The following SLC51A variants were observed in gnomAD, a reference collection of about 807,000 sequenced individuals.
SLC51A encodes the protein organic solute transporter subunit alpha.
SLC51A carries 22 observed loss-of-function variants against 34.8 expected under a neutral mutation model. The observed-to-expected ratio is 0.63, with a 90% CI of 0.45 to 0.90. The LOEUF is 0.90. Among genes scored for constraint, SLC51A ranks in the 40% least tolerant of loss-of-function variants. The pLI is 0.00. For synonymous variants in SLC51A, 181 were observed against 176.3 expected (o/e 1.03, Z -0.21); for missense variants, 371 against 414.8 (o/e 0.89, Z 0.92).
intron 2 of SLC51A, among the ~76,000 whole-genome samples, chr3:196,218,868 G>A (rs943952067): frequency 6.6e-6 from 1 of 151,986 alleles, no homozygotes; most frequent in African/African-American, 2.4e-5. Flanking sequence ...AAAAACATAG[G>A]TGAACCTGCA....
chr3:196,217,575 G>A, intron 1 of SLC51A, among the ~76,000 whole-genome samples: 1 of 146,076 alleles, frequency 6.8e-6, no homozygotes, highest in African/African-American at 2.5e-5. Context: ...AAGGAAGGAA[G>A]GAAGGAAGGA....
intron 4 of SLC51A, 145 bp downstream of exon 4, chr3:196,227,882 C>A: frequency 1.1e-6 from 1 of 931,728 alleles, no homozygotes; most frequent in Non-Finnish European, 1.6e-6. Flanking sequence ...CCTGGCTCTG[C>A]TCAGGGAATG....
chr3:196,221,139 C>G (rs1723745110), intron 2 of SLC51A, among the ~76,000 whole-genome samples: 2 of 151,416 alleles, frequency 1.3e-5, no homozygotes, highest in South Asian at 4.2e-4. Flanking sequence ...GCTAAGAAAA[C>G]TATTTCAGGC....
chr3:196,228,997 A>C lies in SLC51A; in HGVS notation c.633+77A>C, dbSNP rs1055737608. 1 of 1,239,070 alleles carries C rather than the reference A, an allele frequency of 8.1e-7. No homozygotes were observed. 76.8% of individuals were successfully genotyped at this position (1,239,070 alleles called of 1,614,324 possible). On this transcript the variant is annotated intron_variant, in intron 6 of 8. Coordinates refer to ENST00000296327, the MANE Select transcript of SLC51A (RefSeq NM_152672.6). The surrounding 1 kb of genome is among the most constrained non-coding windows in gnomAD (Gnocchi z 4.9). ...TGTTCTAAAAGGAATCACCAGAGCCAACACCCCTTGACAGAGGGCCCCAGA... is the reference window on the plus strand; with the variant it reads ...TGTTCTAAAAGGAATCACCAGAGCCCACACCCCTTGACAGAGGGCCCCAGA...
Position 196,232,998 on chromosome 3 carries a change from C to G in SLC51A, c.887-65C>G, listed in dbSNP as rs142759481. On this transcript the variant is annotated intron_variant, in intron 8 of 8. Coordinates refer to ENST00000296327, the MANE Select transcript of SLC51A (RefSeq NM_152672.6). ...GTGTTGCTCAACTCCCGTGCCCGGG[C>G]TGCTAGTAAAATACCACCTCTGTAA... is the stretch of plus-strand genomic sequence containing the variant. The G allele has an allele frequency of 1.8e-4, 274 of 1,530,208 alleles. 1 individual carries two copies. In the African/African-American group the frequency reaches 3.4e-3, roughly 19 times the overall value. 94.8% of individuals were successfully genotyped at this position (1,530,208 alleles called of 1,614,324 possible).
chr3:196,227,636 C>G (rs1352309189), intron 3 of SLC51A, 28 bp from the exon 4 acceptor site: 1 of 1,610,160 alleles, frequency 6.2e-7, no homozygotes, highest in Non-Finnish European at 8.5e-7. Context: ...CCCTCCCGCC[C>G]TCACCTGCTC....
chr3:196,226,686 A>G, intron 2 of SLC51A: 1 of 218,826 alleles, frequency 4.6e-6, no homozygotes, highest in Admixed American at 5.6e-5. Context: ...AGGCAGGAGA[A>G]TCACTTAAAC....
chr3:196,227,640 C>T (rs747122474), intron 3 of SLC51A, 24 bp from the exon 4 acceptor site: 1 of 1,612,494 alleles, frequency 6.2e-7, no homozygotes, highest in Non-Finnish European at 8.5e-7. Context: ...CCCGCCCTCA[C>T]CTGCTCCTGC....
intron 2 of SLC51A, among the ~76,000 whole-genome samples, chr3:196,219,505 T>C (rs1268067862): frequency 6.6e-6 from 1 of 152,216 alleles, no homozygotes; most frequent in East Asian, 1.9e-4. Context: ...GGCGTGTCCT[T>C]GGGCTGTGTA....
rs1206567622 is a variant in SLC51A, at chr3:196,229,047, G to A, written c.633+127G>A. On this transcript the variant is annotated intron_variant, in intron 6 of 8. Transcript: ENST00000296327. ...AAAAGGGTGGCTGTGGGAAAACAGA[G>A]GCTCAGGGACTGCCAGGGAGAGAAC... The A allele has an allele frequency of 6.4e-6, 5 of 779,768 alleles. No homozygotes were observed. The Admixed American group carries it at 1.2e-4, about 18-fold the overall frequency. 48.3% of individuals were successfully genotyped at this position (779,768 alleles called of 1,614,324 possible). A position where few individuals can be genotyped will look rare whatever the true frequency, so the allele number is the denominator to read the frequency against.
chr3:196,228,217 C>T lies in SLC51A; in HGVS notation c.465C>T (p.Val155=), dbSNP rs1723945109. The T allele has an allele frequency of 6.2e-7, 1 of 1,613,910 alleles. No individual in the cohort carries two copies. The change falls in exon 5 of 9, where the codon GTC becomes GTT. Residue 155 remains valine (V), a synonymous_variant. Coordinates refer to ENST00000296327, the MANE Select transcript of SLC51A (RefSeq NM_152672.6). This position sits in a 1 kb window ranked among gnomAD's most constrained non-coding sequence, Gnocchi z 4.9. ...LRTLRDTPMM[V]HTGPCCCCCP... Reference sequence around the variant, plus strand: ...CGCTGAGGGACACCCCGATGATGGTCCACACAGGCCCCTGCTGCTGCTGCT... The same window carrying T: ...CGCTGAGGGACACCCCGATGATGGTTCACACAGGCCCCTGCTGCTGCTGCT...
intron 7 of SLC51A, among the ~76,000 whole-genome samples, chr3:196,231,987 G>C (rs1466237415): frequency 6.6e-6 from 1 of 152,128 alleles, no homozygotes; most frequent in Admixed American, 6.5e-5. Flanking sequence ...CCCTCTCCCT[G>C]CAGTCTCTGG....
At chr3:196,231,700 G>C (rs933915988) in intron 7 of SLC51A, among the ~76,000 whole-genome samples, 1 of 152,152 alleles carries the variant, frequency 6.6e-6, no homozygotes, top group African/African-American at 2.4e-5. Flanking sequence ...TGGTTAATGT[G>C]GGGGAGCCTG....
chr3:196,227,142 G>GA, intron 3 of SLC51A, 23 bp downstream of exon 3: 1 of 1,609,206 alleles, frequency 6.2e-7, no homozygotes. Flanking sequence ...GGGCTGCCCT[G>GA]TGGGGGGAAC....
At chr3:196,218,806 C>T (rs2108752347) in intron 2 of SLC51A, among the ~76,000 whole-genome samples, 1 of 151,922 alleles carries the variant, frequency 6.6e-6, no homozygotes, top group Middle Eastern at 3.4e-3. Context: ...TGTTTTGCAG[C>T]TTCCCTTTTG....
Position 196,228,695 on chromosome 3 carries a change from T to C in SLC51A, c.522-114T>C, listed in dbSNP as rs1237770782. 6 of 826,312 alleles carry C rather than the reference T, an allele frequency of 7.3e-6. No individual in the cohort carries two copies. Among genetic ancestry groups the C allele is most frequent in the Non-Finnish European group, 1.2e-5 (6 of 480,674 alleles). The allele number at this position is 826,312 out of a possible 1,614,324, so 51.2% of individuals were successfully genotyped here. A position where few individuals can be genotyped will look rare whatever the true frequency, so the allele number is the denominator to read the frequency against. On this transcript the variant is annotated intron_variant, in intron 5 of 8. Transcript: ENST00000296327. This position sits in a 1 kb window ranked among gnomAD's most constrained non-coding sequence, Gnocchi z 4.9. ...CTCTGTCCCCATCCACTTAACCTGG[T>C]TGGTGTTTATGACAGCAGCCGAGCC...
intron 2 of SLC51A, among the ~76,000 whole-genome samples, chr3:196,219,330 G>A (rs1010904474): frequency 1.3e-5 from 2 of 152,138 alleles, no homozygotes; most frequent in South Asian, 4.1e-4. Flanking sequence ...ATCACGGCCC[G>A]AGCATGCTTA....
chr3:196,223,604 C>T (rs1367464484), intron 2 of SLC51A, among the ~76,000 whole-genome samples: 2 of 151,666 alleles, frequency 1.3e-5, no homozygotes, highest in African/African-American at 2.4e-5. Flanking sequence ...CAATGGCCCC[C>T]GCTTCCCAAC....
At chr3:196,225,658 T>A (rs991425837) in intron 2 of SLC51A, 1 of 152,254 alleles carries the variant, frequency 6.6e-6, no homozygotes, top group Non-Finnish European at 1.5e-5. Flanking sequence ...TCTTTAAAAC[T>A]AACGGCTGCA....
Sources: allele counts gnomAD v4.1 joint callset (sites outside exome capture counted in the v4.1 genomes callset), GRCh38; gene constraint gnomAD v4.1.1; non-coding constraint Gnocchi (gnomAD v3.1); transcripts MANE v1.5; gene names NCBI Gene and HGNC (gene_info 2026-07-23, HGNC 2026-07-21).